Variants in FBXO10 observed in about 807,000 individuals in gnomAD.
The protein encoded by FBXO10 is F-box only protein 10.
In FBXO10, 39 loss-of-function variants were observed where a neutral mutation model predicts 80.7. The observed-to-expected ratio is 0.48, with a 90% confidence interval of 0.37 to 0.63. The LOEUF is 0.63. FBXO10 is among the 30% of genes least tolerant of loss of function. The pLI, the probability that FBXO10 is intolerant of heterozygous loss-of-function variation, is 0.00. For missense variants in FBXO10, 1,025 were observed against 1,269.0 expected, an observed-to-expected ratio of 0.81 and a Z score of 2.92; for synonymous variants, 449 against 489.6, an observed-to-expected ratio of 0.92 and a Z score of 1.09.
chr9:37,517,289 A>G (rs533568690), intron 9 of FBXO10, among the ~76,000 whole-genome samples: 2 of 152,302 alleles, frequency 1.3e-5, no homozygotes, highest in African/African-American at 4.8e-5. Context: ...AGGGGCACCA[A>G]AATCTCAGAA....
At chr9:37,521,875 C>A in intron 7 of FBXO10, 37 bp from the exon 8 acceptor site, 1 of 1,527,974 alleles carries the variant, frequency 6.5e-7, no homozygotes, top group Non-Finnish European at 8.8e-7. Context: ...CGACACTGAA[C>A]TCAGGTGAAG....
In FBXO10 at chr9:37,537,908, G is replaced by C. The variant is rs1267986401; in HGVS notation, c.621C>G (p.Asn207Lys). The C allele has an allele frequency of 6.2e-7, 1 of 1,613,900 alleles. No homozygotes were observed. The change falls in exon 3 of 11, where the codon AAC becomes AAG. Residue 207 changes from asparagine (N) to lysine (K), a missense_variant. Asn to Lys is a moderately conservative substitution (Grantham distance 94, BLOSUM62 0). Coordinates refer to ENST00000432825, the MANE Select transcript of FBXO10 (RefSeq NM_012166.3). ...GGACCTGGATGTGCCCGTTCTCAAA[G>C]TTGCAGTTGTCAAACTGGACGTGAC... Reference protein sequence around the residue: ...TSGHVQFDNCNFENGHIQVHG... With the variant: ...TSGHVQFDNCKFENGHIQVHG...
At chr9:37,554,403 T>C (rs768278830) in intron 1 of FBXO10, among the ~76,000 whole-genome samples, 2 of 152,246 alleles carry the variant, frequency 1.3e-5, no homozygotes, top group East Asian at 1.9e-4. Context: ...TGTGCATCAA[T>C]AGTTTGTTTA....
intron 6 of FBXO10, among the ~76,000 whole-genome samples, chr9:37,524,239 C>T (rs759365535): frequency 9.2e-5 from 14 of 152,258 alleles, no homozygotes; most frequent in Non-Finnish European, 1.9e-4. Flanking sequence ...GCCCTGACCA[C>T]ACAATCCCAA....
Position 37,576,354 on chromosome 9 carries a change from G to A in FBXO10, c.-150C>T, listed in dbSNP as rs1200341477. On this transcript the variant is annotated 5_prime_UTR_variant, in exon 1 of 11. Transcript: ENST00000432825. Reference sequence around the variant, plus strand: ...GCCCGGGGGCGGACAGCTGCCTGGGGATCGTGCGGAGCCGCCGCCGTCATG... The same window carrying A: ...GCCCGGGGGCGGACAGCTGCCTGGGAATCGTGCGGAGCCGCCGCCGTCATG... 6.6e-6 allele frequency: 1 copy of A among 152,166 alleles called. No homozygotes were observed. The highest frequency in any genetic ancestry group is 2.4e-5 in the African/African-American group (1 of 41,458). 9.4% of individuals were successfully genotyped at this position (152,166 alleles called of 1,614,324 possible).
In FBXO10 at chr9:37,541,526, T is replaced by C. The variant is rs781244757; in HGVS notation, c.243A>G (p.Ala81=). 10 of 1,613,706 alleles carry C rather than the reference T, an allele frequency of 6.2e-6. No individual in the cohort carries two copies. In the South Asian group the frequency reaches 1.1e-4, roughly 18 times the overall value. Residue 81 remains alanine, a synonymous_variant, in exon 2 of 11, where the codon GCA becomes GCG. Transcript: ENST00000432825. ...WREAFKQHYL[A]SKTWTKNALD... ...AGGCATTCTTGGTCCATGTCTTGGA[T>C]GCAAGGTAATGCTGCTTGAAGGCTT...
chr9:37,537,411 C>G lies in FBXO10; in HGVS notation c.1118G>C (p.Arg373Thr). The G allele has an allele frequency of 1.3e-6, 2 of 1,599,112 alleles. No individual in the cohort carries two copies. Among genetic ancestry groups the G allele is most frequent in the Non-Finnish European group, 1.7e-6 (2 of 1,172,502 alleles). ...TGGGCCCTGCACTTGGTAGGATAGTCTGTACATCAGCTGGTCCTCATCTTC... is the reference window on the plus strand; with the variant it reads ...TGGGCCCTGCACTTGGTAGGATAGTGTGTACATCAGCTGGTCCTCATCTTC... ...EDEDEDQLMY[R>T]LSYQVQGPRP... Residue 373 changes from arginine to threonine, a missense_variant, in exon 3 of 11, where the codon AGA becomes ACA. By Grantham distance (71) the Arg-to-Thr change is moderately conservative (BLOSUM62 -1). Transcript: ENST00000432825.
rs567122546 is a variant in FBXO10, at chr9:37,518,796, G to A, written c.2201-358C>T. On this transcript the variant is annotated intron_variant, in intron 8 of 10. Transcript: ENST00000432825. ...CCTCCCTGACGGGGTGCTCACTGCC[G>A]CCTCAAGGCTGCTCACTCCCCCTCT... Among the ~76,000 whole-genome samples the A allele has an allele frequency of 1.3e-4, 20 of 152,152 alleles. No homozygotes were observed. In the South Asian group the frequency reaches 2.9e-3, roughly 22 times the overall value.
intron 2 of FBXO10, among the ~76,000 whole-genome samples, chr9:37,538,758 T>C (rs1364971645): frequency 1.3e-5 from 2 of 151,414 alleles, no homozygotes; most frequent in Non-Finnish European, 1.5e-5. Flanking sequence ...GCAAGTGTTA[T>C]CTTGGACAAA....
intron 5 of FBXO10, among the ~76,000 whole-genome samples, chr9:37,525,731 G>A (rs868806968): frequency 6.6e-6 from 1 of 151,986 alleles, no homozygotes; most frequent in Non-Finnish European, 1.5e-5. Context: ...TAGAGATGGG[G>A]TTTTGCTACG....
chr9:37,537,543 G>A lies in FBXO10; in HGVS notation c.986C>T (p.Pro329Leu). 2 of 1,613,272 alleles carry A rather than the reference G, an allele frequency of 1.2e-6. No individual in the cohort carries two copies. The highest frequency in any genetic ancestry group is 8.5e-7 in the Non-Finnish European group (1 of 1,179,596). The change falls in exon 3 of 11, where the codon CCA (proline) becomes CTA (leucine). Residue 329 changes from proline to leucine, a missense_variant. Pro to Leu is a moderately conservative substitution (Grantham distance 98). Around this residue, in one of 3 missense-constraint regions of FBXO10, gnomAD observed 450 missense variants for 499.4 expected, o/e 0.90. Transcript: ENST00000432825. The part of the protein sequence containing the change: ...PTSPASSSPK[P>L]GSKAGSQEAE... Reference sequence around the variant, plus strand: ...CTCCTGTGAGCCAGCCTTGGAGCCTGGCTTTGGGGAGCTAGAGGCTGGGCT... The same window carrying A: ...CTCCTGTGAGCCAGCCTTGGAGCCTAGCTTTGGGGAGCTAGAGGCTGGGCT...
intron 1 of FBXO10, among the ~76,000 whole-genome samples, chr9:37,567,282 A>AT (rs552313505): frequency 7.4e-4 from 110 of 149,376 alleles, no homozygotes; most frequent in African/African-American, 2.6e-3. Flanking sequence ...AGCTGGGACT[A>AT]TGGGCACACG....
rs536619194 is a variant in FBXO10, at chr9:37,546,449, C to T, written c.-6-4675G>A. 2.6e-5 allele frequency among the ~76,000 whole-genome samples: 4 copies of T among 152,294 alleles called. No homozygotes were observed. In the East Asian group the frequency reaches 7.7e-4, roughly 29 times the overall value. On this transcript the variant is annotated intron_variant, in intron 1 of 10. Transcript: ENST00000432825. ...CTTCATCAGATGTAGTAGGGATCAC[C>T]TGCTATGAAAATTTATTCTAATTTT...
intron 7 of FBXO10, 59 bp from the exon 8 acceptor site, chr9:37,521,897 T>G: frequency 6.7e-7 from 1 of 1,492,218 alleles, no homozygotes; most frequent in South Asian, 1.4e-5. Flanking sequence ...GGCACCTGAG[T>G]CTCCCTGAGA....
chr9:37,541,422 C>CGGCCTG lies in FBXO10; in HGVS notation c.341_346dup (p.Pro114_Gly115dup). 6.2e-7 allele frequency: 1 copy of CGGCCTG among 1,613,976 alleles called. No homozygotes were observed. Among genetic ancestry groups the CGGCCTG allele is most frequent in the Non-Finnish European group, 8.5e-7 (1 of 1,179,858 alleles). ...GGCACTGCCCAGGCTGTCAAACTCA[C>CGGCCTG]GGCCTGGCCCAACACTCAGGGTACG... On this transcript the variant is annotated inframe_insertion, in exon 2 of 11. Transcript: ENST00000432825.
Position 37,570,501 on chromosome 9 carries a change from T to C in FBXO10, c.-7+5710A>G, listed in dbSNP as rs548746108. 7.3e-5 allele frequency among the ~76,000 whole-genome samples: 11 copies of C among 150,362 alleles called. No homozygotes were observed. The South Asian group carries it at 2.3e-3, about 32-fold the overall frequency. On this transcript the variant is annotated intron_variant, in intron 1 of 10. Coordinates refer to ENST00000432825, the MANE Select transcript of FBXO10 (RefSeq NM_012166.3). ...AAGAACAAAATAAATCCAAGGAAAATAGAAGAGAAAAATAAAGAACAGAGC... is the reference window on the plus strand; with the variant it reads ...AAGAACAAAATAAATCCAAGGAAAACAGAAGAGAAAAATAAAGAACAGAGC...
At chr9:37,536,337 C>T (rs982049096) in intron 3 of FBXO10, among the ~76,000 whole-genome samples, 3 of 152,148 alleles carry the variant, frequency 2.0e-5, no homozygotes, top group Admixed American at 6.6e-5. Flanking sequence ...AGGTGCTATG[C>T]CATGCTTTCT....
chr9:37,531,400 A>G (rs1378296389), intron 4 of FBXO10, among the ~76,000 whole-genome samples: 1 of 152,246 alleles, frequency 6.6e-6, no homozygotes, highest in African/African-American at 2.4e-5. Context: ...CTCTCGTGTC[A>G]CTGGCCACAC....
chr9:37,512,626 G>A lies in FBXO10; in HGVS notation c.2792C>T (p.Thr931Ile). The A allele has an allele frequency of 6.2e-7, 1 of 1,614,018 alleles. No homozygotes were observed. Among genetic ancestry groups the A allele is most frequent in the Non-Finnish European group, 8.5e-7 (1 of 1,179,878 alleles). ...GGCTGTGATCCTCGTTGCCATGGCT[G>A]TCACCTTCTGCCCATTGTGGGCTGC... is the stretch of plus-strand genomic sequence containing the variant. ...PSAAHNGQKVTAMATRITARV... is the reference protein window; with the variant it reads ...PSAAHNGQKVIAMATRITARV... Residue 931 changes from threonine (T) to isoleucine (I), a missense_variant, in exon 11 of 11, where the codon ACA becomes ATA. This residue lies in a region of FBXO10 where 97 missense variants were observed against 101.8 expected (regional missense o/e 0.95). Transcript: ENST00000432825.
Sources: allele counts gnomAD v4.1 joint callset (sites outside exome capture counted in the v4.1 genomes callset), GRCh38; gene constraint gnomAD v4.1.1; regional missense constraint gnomAD v4.1.1; transcripts MANE v1.5; gene names NCBI Gene and HGNC (gene_info 2026-07-23, HGNC 2026-07-21).